The following ANKRD22 variants were observed in gnomAD, a reference collection of about 807,000 sequenced individuals.
ANKRD22 encodes the protein ankyrin repeat domain 22.
Under a neutral mutation model 25.7 loss-of-function variants are expected in ANKRD22, and 24 were observed. That is an observed-to-expected ratio of 0.93 (90% CI 0.68 to 1.31). ANKRD22 has a LOEUF of 1.31. Among genes scored for constraint, ANKRD22 ranks in the 50% most tolerant of loss-of-function variants. The pLI, the probability that ANKRD22 is intolerant of heterozygous loss-of-function variation, is 0.00. For synonymous variants in ANKRD22, 84 were observed against 84.3 expected (o/e 1.00, Z 0.02); for missense variants, 214 against 227.1 (o/e 0.94, Z 0.37).
intron 1 of ANKRD22, among the ~76,000 whole-genome samples, chr10:88,846,980 T>C (rs1017187962): frequency 2.6e-5 from 4 of 152,184 alleles, no homozygotes; most frequent in African/African-American, 9.6e-5. Flanking sequence ...TGTTTTTTCT[T>C]AAATTTATGC....
At chr10:88,848,265 T>A (rs997183115) in intron 1 of ANKRD22, among the ~76,000 whole-genome samples, 1 of 150,788 alleles carries the variant, frequency 6.6e-6, no homozygotes, top group African/African-American at 2.4e-5. Context: ...ATGTACTCAA[T>A]AAATATGGTT....
At chr10:88,836,122 A>G (rs1047267994) in intron 1 of ANKRD22, among the ~76,000 whole-genome samples, 1 of 152,168 alleles carries the variant, frequency 6.6e-6, no homozygotes, top group African/African-American at 2.4e-5. Context: ...AATTCTTTCA[A>G]TCTCACGTGT....
intron 1 of ANKRD22, among the ~76,000 whole-genome samples, chr10:88,838,510 G>C (rs570071621): frequency 6.6e-6 from 1 of 152,310 alleles, no homozygotes; most frequent in Admixed American, 6.5e-5. Flanking sequence ...AGTTATCAGA[G>C]AGATGTTACA....
At chr10:88,835,761 A>G (rs960029277) in intron 1 of ANKRD22, among the ~76,000 whole-genome samples, 2 of 152,198 alleles carry the variant, frequency 1.3e-5, no homozygotes, top group African/African-American at 2.4e-5. Context: ...GAGTCGCACT[A>G]ACGCTGAAGA....
At position 88,822,543 on chromosome 10, in the gene ANKRD22, G is replaced by GTTTTTTT. The variant is rs1491462149; in HGVS notation, c.*397_*398insAAAAAAA. ...GAAAGACTGAGTTTGGAACACCAGG[G>GTTTTTTT]CTTTTTTTTTTTTTTTTTTTTTTGA... On this transcript the variant is annotated 3_prime_UTR_variant, in exon 6 of 6. Coordinates refer to ENST00000371930, the MANE Select transcript of ANKRD22 (RefSeq NM_144590.3). 18 of 19,706 alleles carry GTTTTTTT rather than the reference G, an allele frequency of 9.1e-4. No homozygotes were observed. The highest frequency in any genetic ancestry group is 4.0e-3 in the South Asian group (2 of 496). The allele number at this position is 19,706 out of a possible 1,614,324, so 1.2% of individuals were successfully genotyped here. A position where few individuals can be genotyped will look rare whatever the true frequency, so the allele number is the denominator to read the frequency against.
At chr10:88,840,420 A>G (rs1465377881) in intron 1 of ANKRD22, among the ~76,000 whole-genome samples, 1 of 152,214 alleles carries the variant, frequency 6.6e-6, no homozygotes, top group Non-Finnish European at 1.5e-5. Flanking sequence ...AACAACTTGT[A>G]CCACTATGGA....
At chr10:88,847,700 C>G (rs1156851275) in intron 1 of ANKRD22, among the ~76,000 whole-genome samples, 1 of 151,594 alleles carries the variant, frequency 6.6e-6, no homozygotes, top group African/African-American at 2.4e-5. Context: ...ATCTGCAGAC[C>G]TTTTTGATAT....
At chr10:88,836,683 C>T (rs1300193436) in intron 1 of ANKRD22, among the ~76,000 whole-genome samples, 2 of 152,138 alleles carry the variant, frequency 1.3e-5, no homozygotes, top group Non-Finnish European at 1.5e-5. Flanking sequence ...AGTCTGTATT[C>T]GGGATATTGA....
At chr10:88,844,748 A>G (rs1014863888) in intron 1 of ANKRD22, among the ~76,000 whole-genome samples, 3 of 152,156 alleles carry the variant, frequency 2.0e-5, no homozygotes, top group African/African-American at 7.2e-5. Flanking sequence ...ATTAAAAAAA[A>G]GCCACAATTT....
chr10:88,831,058 G>A (rs1428796606), intron 2 of ANKRD22, among the ~76,000 whole-genome samples: 2 of 152,224 alleles, frequency 1.3e-5, no homozygotes, highest in East Asian at 3.8e-4. Context: ...CTTAGAAGGG[G>A]CAAGGGGGGA....
At chr10:88,823,995 C>A (rs1049784679) in intron 4 of ANKRD22, among the ~76,000 whole-genome samples, 3 of 152,240 alleles carry the variant, frequency 2.0e-5, no homozygotes, top group Non-Finnish European at 4.4e-5. Flanking sequence ...ATGCTATATG[C>A]CTCGGTGATC....
chr10:88,820,503 G>A lies in ANKRD22; in HGVS notation c.*2438C>T. The A allele has an allele frequency of 6.5e-7, 1 of 1,549,306 alleles. No homozygotes were observed. The highest frequency in any genetic ancestry group is 1.2e-5 in the South Asian group (1 of 83,924). On this transcript the variant is annotated 3_prime_UTR_variant, in exon 6 of 6. Coordinates refer to ENST00000371930, the MANE Select transcript of ANKRD22 (RefSeq NM_144590.3). ...GGACGGTGTGAGGCCGTATTGTGAAGCATCTGACACTGACGATCTTAGGAC... is the reference window on the plus strand; with the variant it reads ...GGACGGTGTGAGGCCGTATTGTGAAACATCTGACACTGACGATCTTAGGAC...
At chr10:88,846,031 T>C (rs1388462451) in intron 1 of ANKRD22, among the ~76,000 whole-genome samples, 2 of 152,182 alleles carry the variant, frequency 1.3e-5, no homozygotes, top group East Asian at 3.8e-4. Flanking sequence ...CATTGGTTAA[T>C]AAATGAACAA....
intron 3 of ANKRD22, among the ~76,000 whole-genome samples, chr10:88,827,974 A>G (rs78050225): frequency 7.2e-5 from 11 of 152,198 alleles, no homozygotes; most frequent in African/African-American, 2.7e-4. Context: ...TTCATCTTCT[A>G]CTCCTCATAT....
chr10:88,848,485 G>A (rs1429291057), intron 1 of ANKRD22, among the ~76,000 whole-genome samples: 3 of 152,078 alleles, frequency 2.0e-5, no homozygotes, highest in African/African-American at 7.2e-5. Flanking sequence ...TCTTGCATAT[G>A]TTGTTGAATA....
chr10:88,822,020 T>C lies in ANKRD22; in HGVS notation c.*921A>G, dbSNP rs757853249. ...CATCTATCAATAAAATAAACAAAAC[T>C]AACAAGCTTGGCAACCACCTTGTAT... On this transcript the variant is annotated 3_prime_UTR_variant, in exon 6 of 6. Coordinates refer to ENST00000371930, the MANE Select transcript of ANKRD22 (RefSeq NM_144590.3). 1.1e-4 allele frequency: 17 copies of C among 152,190 alleles called. No homozygotes were observed. The highest frequency in any genetic ancestry group is 6.5e-4 in the Admixed American group (10 of 15,280). 9.4% of individuals were successfully genotyped at this position (152,190 alleles called of 1,614,324 possible).
intron 4 of ANKRD22, among the ~76,000 whole-genome samples, chr10:88,824,003 A>T (rs1843830253): frequency 6.6e-6 from 1 of 152,124 alleles, no homozygotes; most frequent in African/African-American, 2.4e-5. Flanking sequence ...TGCCTCGGTG[A>T]TCATCACCTT....
chr10:88,841,867 A>G (rs73367144), intron 1 of ANKRD22, among the ~76,000 whole-genome samples: 4,269 of 152,184 alleles, frequency 0.028, 186 homozygotes, highest in African/African-American at 0.097. Flanking sequence ...TTTTCACCCT[A>G]TAAAAGCCTT....
rs1355021109 is a variant in ANKRD22, at chr10:88,822,097, A to G, written c.*844T>C. 6.6e-6 allele frequency: 1 copy of G among 152,228 alleles called. No individual in the cohort carries two copies. Among genetic ancestry groups the G allele is most frequent in the East Asian group, 1.9e-4 (1 of 5,208 alleles). The allele number at this position is 152,228 out of a possible 1,614,324, so 9.4% of individuals were successfully genotyped here. A position where few individuals can be genotyped will look rare whatever the true frequency, so the allele number is the denominator to read the frequency against. ...TAAACGAACATTTTCATAGTTGCAT[A>G]GTCTTGCTCAAACCAAGATGGCTTT... On this transcript the variant is annotated 3_prime_UTR_variant, in exon 6 of 6. Coordinates refer to ENST00000371930, the MANE Select transcript of ANKRD22 (RefSeq NM_144590.3).
Sources: allele counts gnomAD v4.1 joint callset (sites outside exome capture counted in the v4.1 genomes callset), GRCh38; gene constraint gnomAD v4.1.1; transcripts MANE v1.5; gene names NCBI Gene and HGNC (gene_info 2026-07-23, HGNC 2026-07-21).